The following ADGRV1 variants were observed in gnomAD, a reference collection of about 807,000 sequenced individuals.
ADGRV1 encodes the protein adhesion G protein-coupled receptor V1, also known as G-protein coupled receptor 98.
A neutral mutation model predicts 596.2 loss-of-function variants in ADGRV1; 359 were observed. The observed-to-expected ratio is 0.60, with a 90% CI of 0.55 to 0.66. The LOEUF (loss-of-function observed/expected upper bound fraction) is 0.66, where lower values mean the gene tolerates loss of function less well. ADGRV1 is among the 30% of genes least tolerant of loss of function. The probability of loss-of-function intolerance (pLI) is 0.00; values close to 1 mark genes in which losing one functional copy is unlikely to be tolerated. For synonymous variants in ADGRV1, 2,681 were observed against 2,679.2 expected, an observed-to-expected ratio of 1.00 and a Z score of -0.02; for missense variants, 7,274 against 7,575.6, an observed-to-expected ratio of 0.96 and a Z score of 1.48.
Position 90,755,185 on chromosome 5 carries a change from G to A in ADGRV1, c.11580G>A (p.Pro3860=), listed in dbSNP as rs372334906. The change falls in exon 55 of 90, where the codon CCG becomes CCA. Residue 3860 remains proline, a splice_region_variant and synonymous_variant. Coordinates refer to ENST00000405460, the MANE Select transcript of ADGRV1 (RefSeq NM_032119.4). The part of the protein sequence containing the change: ...KEAHAEVSIL[P]DDLPELEEGF... ...CTCATGCCGAAGTTTCCATTTTGCC[G>A]GTAAGTCAAGGCTGCAAAGAATGTG... 17 of 1,591,304 alleles carry A rather than the reference G, an allele frequency of 1.1e-5. No individual in the cohort carries two copies. The highest frequency in any genetic ancestry group is 4.5e-5 in the East Asian group (2 of 44,730).
intron 83 of ADGRV1, among the ~76,000 whole-genome samples, chr5:90,922,438 A>G (rs919470026): frequency 2.6e-5 from 4 of 152,058 alleles, no homozygotes; most frequent in African/African-American, 9.7e-5. Flanking sequence ...CTTTTCACTC[A>G]TTCCCTATAT....
At chr5:91,135,849 T>G (rs899044653) in intron 87 of ADGRV1, among the ~76,000 whole-genome samples, 1 of 152,190 alleles carries the variant, frequency 6.6e-6, no homozygotes, top group Admixed American at 6.5e-5. Flanking sequence ...GGGTATAGTA[T>G]TGGGTTACCT....
At chr5:90,813,013 G>GTCCCAGC (rs1426161682) in intron 74 of ADGRV1, among the ~76,000 whole-genome samples, 1 of 150,486 alleles carries the variant, frequency 6.6e-6, no homozygotes, top group African/African-American at 2.4e-5. Flanking sequence ...GGCACCTGTC[G>GTCCCAGC]TCCCAGCTAC....
intron 83 of ADGRV1, among the ~76,000 whole-genome samples, chr5:90,946,939 CTT>C (rs1275341548): frequency 6.6e-6 from 1 of 152,064 alleles, no homozygotes; most frequent in Non-Finnish European, 1.5e-5. Context: ...GTGCATGTAT[CTT>C]TATAATAGAA....
chr5:91,047,952 T>C (rs1195959538), intron 85 of ADGRV1, among the ~76,000 whole-genome samples: 4 of 152,186 alleles, frequency 2.6e-5, no homozygotes, highest in African/African-American at 9.6e-5. Context: ...TCCCATGGGA[T>C]TGTCAAAGTA....
intron 17 of ADGRV1, among the ~76,000 whole-genome samples, chr5:90,648,868 A>G (rs894753923): frequency 3.3e-5 from 5 of 152,254 alleles, no homozygotes; most frequent in Non-Finnish European, 7.3e-5. Context: ...TACGTAGACT[A>G]AAAACATTTG....
chr5:90,764,428 C>G (rs1385940154), intron 59 of ADGRV1, among the ~76,000 whole-genome samples: 5 of 152,156 alleles, frequency 3.3e-5, no homozygotes, highest in Admixed American at 1.3e-4. Context: ...CTGAAAAAAG[C>G]ACACACAAAA....
chr5:91,112,289 C>T (rs1246555285), intron 87 of ADGRV1, among the ~76,000 whole-genome samples: 2 of 152,302 alleles, frequency 1.3e-5, no homozygotes, highest in African/African-American at 4.8e-5. Context: ...ACAGGTGCCT[C>T]CATTTCTTCT....
Position 90,690,834 on chromosome 5 carries a change from GT to G in ADGRV1, c.6747del (p.Phe2249LeufsTer4). On this transcript the variant is annotated frameshift_variant, in exon 31 of 90. Transcript: ENST00000405460. LOFTEE classifies it high-confidence loss of function. ...CTAAACTTATTGTAGAGGAACCTGA[GT>G]TTAACTCAGTGAAGGTAAACCTGCC... ...ITKLIVEEPEFNSVKVNLPII... is the reference protein window; with the variant it reads ...ITKLIVEEPEXNSVKVNLPII... 6.2e-7 allele frequency: 1 copy of G among 1,602,126 alleles called. No homozygotes were observed.
intron 32 of ADGRV1, among the ~76,000 whole-genome samples, chr5:90,693,551 G>A (rs1455522351): frequency 6.6e-6 from 1 of 151,922 alleles, no homozygotes; most frequent in Non-Finnish European, 1.5e-5. Context: ...TCCTCAAAAT[G>A]TAGTCATGTT....
At chr5:90,967,072 C>T (rs1778536964) in intron 84 of ADGRV1, among the ~76,000 whole-genome samples, 1 of 152,114 alleles carries the variant, frequency 6.6e-6, no homozygotes, top group Non-Finnish European at 1.5e-5. Context: ...CCACATACCA[C>T]ACAGGCTCAA....
In ADGRV1 at chr5:90,635,005, A is replaced by G; in HGVS notation, c.1840-109A>G. 6 of 633,576 alleles carry G rather than the reference A, an allele frequency of 9.5e-6. No individual in the cohort carries two copies. The South Asian group carries it at 1.1e-4, about 11-fold the overall frequency. 39.2% of individuals were successfully genotyped at this position (633,576 alleles called of 1,614,324 possible). A position where few individuals can be genotyped will look rare whatever the true frequency, so the allele number is the denominator to read the frequency against. On this transcript the variant is annotated intron_variant, in intron 9 of 89. Transcript: ENST00000405460. ...AGGAGGAGAATAACATTGCGAAGTT[A>G]TTGGTGACCTCTACCTACGCTTACT...
Position 90,705,584 on chromosome 5 carries a change from G to A in ADGRV1, c.8566+5G>A. 1 of 1,610,984 alleles carries A rather than the reference G, an allele frequency of 6.2e-7. No homozygotes were observed. Among genetic ancestry groups the A allele is most frequent in the Non-Finnish European group, 8.5e-7 (1 of 1,177,910 alleles). On this transcript the variant is annotated splice_donor_5th_base_variant and intron_variant, in intron 37 of 89. Transcript: ENST00000405460. ...ACAGAGAATTTGGATCTCTAGGTTT[G>A]TGTTACTCTAGAATGAATGGGGTTT...
At chr5:90,990,772 CCT>C (rs1439539165) in intron 85 of ADGRV1, among the ~76,000 whole-genome samples, 1 of 152,140 alleles carries the variant, frequency 6.6e-6, no homozygotes, top group African/African-American at 2.4e-5. Flanking sequence ...GAAATCTGCC[CCT>C]GAGTGATTGC....
intron 83 of ADGRV1, among the ~76,000 whole-genome samples, chr5:90,930,043 T>C (rs1259479158): frequency 6.6e-6 from 1 of 152,228 alleles, no homozygotes; most frequent in African/African-American, 2.4e-5. Flanking sequence ...GGGTGTTGGC[T>C]TTCCATTTTA....
chr5:91,093,848 TAAG>T (rs145919112), intron 86 of ADGRV1, among the ~76,000 whole-genome samples: 130 of 144,640 alleles, frequency 9.0e-4, no homozygotes, highest in Middle Eastern at 3.5e-3. Flanking sequence ...TATACATACG[TAAG>T]TTTTTTTTTT....
At chr5:90,909,509 C>T (rs974824759) in intron 83 of ADGRV1, among the ~76,000 whole-genome samples, 5 of 152,022 alleles carry the variant, frequency 3.3e-5, no homozygotes, top group African/African-American at 9.7e-5. Flanking sequence ...CCCAACCAGA[C>T]AAATTGGAGT....
intron 76 of ADGRV1, among the ~76,000 whole-genome samples, chr5:90,825,310 A>G (rs1028647172): frequency 6.6e-6 from 1 of 152,134 alleles, no homozygotes; most frequent in African/African-American, 2.4e-5. Context: ...TGAAACCTCT[A>G]GTTGGAGTCG....
intron 86 of ADGRV1, among the ~76,000 whole-genome samples, chr5:91,085,628 T>G (rs113711368): frequency 5.2e-4 from 79 of 152,328 alleles, no homozygotes; most frequent in African/African-American, 1.8e-3. Context: ...AAGTAGCTCA[T>G]TCTCACCAAA....
Sources: allele counts gnomAD v4.1 joint callset (sites outside exome capture counted in the v4.1 genomes callset), GRCh38; gene constraint gnomAD v4.1.1; transcripts MANE v1.5; gene names NCBI Gene and HGNC (gene_info 2026-07-23, HGNC 2026-07-21).